Variants in DMD observed in about 807,000 individuals in gnomAD.
DMD encodes mutant dystrophin.
A neutral mutation model predicts 330.1 loss-of-function variants in DMD; 63 were observed. The ratio of observed to expected loss-of-function variants is 0.19; its 90% confidence interval spans 0.16 to 0.24. The LOEUF is 0.24. Ranked by LOEUF, DMD falls within the 10% of genes least tolerant of loss-of-function variation. The pLI is 1.00. For synonymous variants in DMD, 1,223 were observed against 959.8 expected, an observed-to-expected ratio of 1.27 and a Z score of -5.07; for missense variants, 3,344 against 2,684.1, an observed-to-expected ratio of 1.25 and a Z score of -5.43.
intron 9 of DMD, among the ~76,000 whole-genome samples, chrX:32,650,470 G>A (rs1013410258): frequency 2.4e-4 from 27 of 111,610 alleles, no homozygotes; most frequent in Admixed American, 3.8e-4. Flanking sequence ...AAGGATTACA[G>A]AGGGATAACC....
chrX:32,955,789 T>C (rs755765131), intron 2 of DMD, among the ~76,000 whole-genome samples: 1 of 112,150 alleles, frequency 8.9e-6, no homozygotes, highest in Admixed American at 9.5e-5. Flanking sequence ...ACTTATTGAA[T>C]AGGTAGTCCT....
chrX:31,338,079 C>A (rs1338478752), intron 61 of DMD, among the ~76,000 whole-genome samples: 2 of 110,549 alleles, frequency 1.8e-5, no homozygotes, highest in African/African-American at 6.6e-5. Context: ...GGTCCTTTCA[C>A]CAGAAATCCT....
In DMD at chrX:31,754,000, T is replaced by C. The variant is rs917038297; in HGVS notation, c.7542+19960A>G. On this transcript the variant is annotated intron_variant, in intron 51 of 78. Transcript: ENST00000357033. ...TTTTCTACAGCACAATGATGAACAT[T>C]TCAGGTGTATAAAAAATATAAAGAA... 3.6e-5 allele frequency among the ~76,000 whole-genome samples: 4 copies of C among 111,387 alleles called. No individual in the cohort carries two copies. In the Admixed American group the frequency reaches 3.9e-4, roughly 11 times the overall value.
In DMD at chrX:32,411,822, A is replaced by G; in HGVS notation, c.4163T>C (p.Phe1388Ser). Residue 1388 changes from phenylalanine to serine, a missense_variant, in exon 30 of 79, where the codon TTC becomes TCC. Phe to Ser is a radical substitution (Grantham distance 155). Coordinates refer to ENST00000357033, the MANE Select transcript of DMD (RefSeq NM_004006.3). ...SLHLIQESLT[F>S]IDKQLAAYIA... The stretch of plus-strand genomic sequence containing the variant: ...ATAAGCTGCCAACTGCTTGTCAATG[A>G]ATGTGAGGGACTCCTGGATTAAGTG... The G allele has an allele frequency of 8.3e-7, 1 of 1,210,879 alleles. No homozygotes were observed.
intron 63 of DMD, among the ~76,000 whole-genome samples, chrX:31,245,503 C>T (rs186250370): frequency 2.7e-5 from 3 of 111,891 alleles, no homozygotes; most frequent in Admixed American, 9.5e-5. Context: ...CATTAAATTG[C>T]ACTTTGCTGT....
chrX:33,327,334 G>C (rs760738292), intron 1 of DMD, among the ~76,000 whole-genome samples: 10 of 111,562 alleles, frequency 9.0e-5, no homozygotes, highest in Non-Finnish European at 1.9e-4. Flanking sequence ...CAATGAACAA[G>C]AAAGAGAAAG....
At chrX:31,358,429 C>T (rs771346333) in intron 60 of DMD, among the ~76,000 whole-genome samples, 1 of 111,605 alleles carries the variant, frequency 9.0e-6, no homozygotes, top group East Asian at 2.8e-4. Flanking sequence ...TAAAATCCAT[C>T]AAGATACGTG....
intron 7 of DMD, among the ~76,000 whole-genome samples, chrX:32,780,979 A>G (rs1333116052): frequency 1.8e-5 from 2 of 109,107 alleles, no homozygotes; most frequent in African/African-American, 3.3e-5. Context: ...TTAGCCGGGC[A>G]TGGTGGCAGG....
Position 32,783,441 on chromosome X carries a change from AAATT to A in DMD, c.649+26048_649+26051del, listed in dbSNP as rs1323278627. ...ACCCACAAAAATTTCCAAAAAAAATAAATTGTTTCCCAAATAAAAAAATATTCAG... is the reference window on the plus strand; with the variant it reads ...ACCCACAAAAATTTCCAAAAAAAATAGTTTCCCAAATAAAAAAATATTCAG... On this transcript the variant is annotated intron_variant, in intron 7 of 78. Coordinates refer to ENST00000357033, the MANE Select transcript of DMD (RefSeq NM_004006.3). 1.3e-4 allele frequency among the ~76,000 whole-genome samples: 14 copies of A among 107,879 alleles called. No homozygotes were observed. In the East Asian group the frequency reaches 1.5e-3, roughly 11 times the overall value. 93.7% of individuals were successfully genotyped at this position (107,879 alleles called of 115,157 possible). A position where few individuals can be genotyped will look rare whatever the true frequency, so the allele number is the denominator to read the frequency against.
chrX:32,571,246 T>G lies in DMD; in HGVS notation c.1812+2284A>C. On this transcript the variant is annotated intron_variant, in intron 15 of 78. Coordinates refer to ENST00000357033, the MANE Select transcript of DMD (RefSeq NM_004006.3). ...TCACTCACTTATTTACTGAAAGGAT[T>G]CACATTTTGCCTGAGAAGAACAATG... is the stretch of plus-strand genomic sequence containing the variant. 1.8e-5 allele frequency among the ~76,000 whole-genome samples: 2 copies of G among 112,131 alleles called. 1 individual carries two copies. The highest frequency in any genetic ancestry group is 7.4e-4 in the South Asian group (2 of 2,704).
intron 1 of DMD, among the ~76,000 whole-genome samples, chrX:33,083,723 C>T (rs1416055058): frequency 1.8e-5 from 2 of 111,707 alleles, no homozygotes; most frequent in Non-Finnish European, 3.8e-5. Flanking sequence ...AAACTATCCT[C>T]CTATTTTCTG....
rs781325983 is a variant in DMD, at chrX:31,820,144, C to T, written c.7201-61G>A. 2.6e-4 allele frequency: 243 copies of T among 918,461 alleles called. No individual in the cohort carries two copies. The African/African-American group carries it at 3.7e-3, about 14-fold the overall frequency. 75.7% of individuals were successfully genotyped at this position (918,461 alleles called of 1,213,427 possible). A position where few individuals can be genotyped will look rare whatever the true frequency, so the allele number is the denominator to read the frequency against. ...TAACACTTTGAAGATAATTCATGAACATCTTAATCCATTTGGTGAATATAT... is the reference window on the plus strand; with the variant it reads ...TAACACTTTGAAGATAATTCATGAATATCTTAATCCATTTGGTGAATATAT... On this transcript the variant is annotated intron_variant, in intron 49 of 78. Transcript: ENST00000357033.
intron 5 of DMD, among the ~76,000 whole-genome samples, chrX:32,820,778 A>G (rs2078174695): frequency 8.9e-6 from 1 of 112,035 alleles, no homozygotes; most frequent in African/African-American, 3.2e-5. Context: ...TTCAGAGTGC[A>G]TCAAGAAACT....
At chrX:31,512,731 A>G (rs1406025201) in intron 55 of DMD, among the ~76,000 whole-genome samples, 15 of 111,672 alleles carry the variant, frequency 1.3e-4, no homozygotes, top group Non-Finnish European at 2.6e-4. Context: ...TGTTTTGGTT[A>G]CTGTAGCCTT....
At chrX:32,148,933 G>A (rs1402990059) in intron 44 of DMD, among the ~76,000 whole-genome samples, 1 of 111,582 alleles carries the variant, frequency 9.0e-6, no homozygotes, top group African/African-American at 3.3e-5. Flanking sequence ...TACAAGAAGA[G>A]TTCACTTGGC....
intron 2 of DMD, among the ~76,000 whole-genome samples, chrX:32,986,389 T>C (rs1377261708): frequency 8.9e-6 from 1 of 112,095 alleles, no homozygotes; most frequent in Admixed American, 9.5e-5. Flanking sequence ...TACCTTTTTT[T>C]GGTGACTTTA....
intron 55 of DMD, among the ~76,000 whole-genome samples, chrX:31,557,921 T>A (rs1446813476): frequency 1.8e-5 from 2 of 111,161 alleles, no homozygotes; most frequent in African/African-American, 6.5e-5. Flanking sequence ...CTGCTATATA[T>A]CCCCTCTAGC....
chrX:31,513,769 AT>A (rs750886972), intron 55 of DMD, among the ~76,000 whole-genome samples: 32 of 111,789 alleles, frequency 2.9e-4, no homozygotes, highest in Non-Finnish European at 5.1e-4. Flanking sequence ...CTTACTGTAC[AT>A]CAGGTGCTGT....
intron 45 of DMD, among the ~76,000 whole-genome samples, chrX:31,949,216 T>C (rs888523269): frequency 1.8e-5 from 2 of 111,438 alleles, no homozygotes; most frequent in African/African-American, 3.3e-5. Flanking sequence ...TCGATGGAGA[T>C]TGCATTAAAT....
Sources: allele counts gnomAD v4.1 joint callset (sites outside exome capture counted in the v4.1 genomes callset), GRCh38; gene constraint gnomAD v4.1.1; transcripts MANE v1.5; gene names NCBI Gene and HGNC (gene_info 2026-07-23, HGNC 2026-07-21).